KAT6B: variants seen among roughly 807,000 people sequenced by gnomAD.
The protein encoded by KAT6B is histone acetyltransferase KAT6B.
Under a neutral mutation model 187.5 loss-of-function variants are expected in KAT6B, and 10 were observed. The ratio of observed to expected loss-of-function variants is 0.05; its 90% CI spans 0.03 to 0.09. KAT6B has a LOEUF of 0.09. Ranked by LOEUF, KAT6B falls within the 10% of genes least tolerant of loss-of-function variation. The pLI is 1.00. For synonymous variants in KAT6B, 861 were observed against 926.8 expected (o/e 0.93, Z 1.29); for missense variants, 1,952 against 2,558.9 (o/e 0.76, Z 5.12).
At chr10:74,969,439 A>G (rs1285134227) in intron 4 of KAT6B, among the ~76,000 whole-genome samples, 1 of 152,208 alleles carries the variant, frequency 6.6e-6, no homozygotes, top group Non-Finnish European at 1.5e-5. Context: ...TCTCTTAGGG[A>G]AAACATTCGT....
chr10:75,017,546 G>A (rs1845068019), intron 13 of KAT6B, among the ~76,000 whole-genome samples: 3 of 152,144 alleles, frequency 2.0e-5, no homozygotes, highest in South Asian at 2.1e-4. Flanking sequence ...CCTGGGAAGC[G>A]GAGGTTGCAT....
chr10:74,991,850 A>G (rs1244527689), intron 13 of KAT6B, among the ~76,000 whole-genome samples: 1 of 152,246 alleles, frequency 6.6e-6, no homozygotes, highest in African/African-American at 2.4e-5. Flanking sequence ...TAAAAGTTTT[A>G]AGGAAGATAG....
chr10:74,848,536 A>T (rs1470803443), intron 3 of KAT6B, among the ~76,000 whole-genome samples: 4 of 147,106 alleles, frequency 2.7e-5, no homozygotes, highest in Non-Finnish European at 5.9e-5. Context: ...AACAACAACA[A>T]CAACATTTTT....
chr10:74,848,468 G>A (rs1201309209), intron 3 of KAT6B, among the ~76,000 whole-genome samples: 3 of 152,118 alleles, frequency 2.0e-5, no homozygotes, highest in Non-Finnish European at 2.9e-5. Flanking sequence ...TTGAGGCACT[G>A]CACTCCAGCC....
At chr10:74,954,714 C>G (rs775625731) in intron 3 of KAT6B, among the ~76,000 whole-genome samples, 4 of 152,186 alleles carry the variant, frequency 2.6e-5, no homozygotes, top group Non-Finnish European at 5.9e-5. Flanking sequence ...GAATCATGAT[C>G]AAGATATGGT....
In KAT6B at chr10:74,962,763, ATAAAG is replaced by A. The variant is rs1841191742; in HGVS notation, c.730+2691_730+2695del. Among the ~76,000 whole-genome samples, 3 of 152,142 alleles carry A rather than the reference ATAAAG, an allele frequency of 2.0e-5. No individual in the cohort carries two copies. The South Asian group carries it at 6.2e-4, about 32-fold the overall frequency. On this transcript the variant is annotated intron_variant, in intron 4 of 17. Transcript: ENST00000287239. ...ATAAATGTATCCTTCTGCTTACATC[ATAAAG>A]TAAAGCCAATTAGAAATTTATCTGT...
At chr10:75,010,667 G>C (rs972790286) in intron 13 of KAT6B, among the ~76,000 whole-genome samples, 13 of 152,094 alleles carry the variant, frequency 8.5e-5, no homozygotes, top group African/African-American at 2.9e-4. Context: ...TCCCAAACCT[G>C]GTTCTGAAAT....
At chr10:74,847,671 AAAAAT>A (rs1842203550) in intron 3 of KAT6B, among the ~76,000 whole-genome samples, 1 of 152,154 alleles carries the variant, frequency 6.6e-6, no homozygotes. Flanking sequence ...TCTCAAAAAA[AAAAAT>A]AAATAAATAA....
At chr10:74,959,628 A>G (rs1303820418) in intron 3 of KAT6B, among the ~76,000 whole-genome samples, 1 of 152,104 alleles carries the variant, frequency 6.6e-6, no homozygotes, top group African/African-American at 2.4e-5. Context: ...CATCTCTACT[A>G]AAATACAAAA....
chr10:74,867,418 C>G (rs1287825112), intron 3 of KAT6B, among the ~76,000 whole-genome samples: 2 of 152,108 alleles, frequency 1.3e-5, no homozygotes, highest in Non-Finnish European at 2.9e-5. Context: ...TCGTGTCTGT[C>G]TCACATTTTG....
At chr10:74,959,149 C>T (rs1271909319) in intron 3 of KAT6B, among the ~76,000 whole-genome samples, 1 of 152,110 alleles carries the variant, frequency 6.6e-6, no homozygotes, top group Non-Finnish European at 1.5e-5. Flanking sequence ...CTTCGTGGCA[C>T]AAAAGCCTTG....
chr10:74,981,055 T>TG (rs1165489290), intron 10 of KAT6B, among the ~76,000 whole-genome samples: 1 of 152,222 alleles, frequency 6.6e-6, no homozygotes, highest in Non-Finnish European at 1.5e-5. Context: ...CATATATAAT[T>TG]GGAAATAAGA....
chr10:74,897,294 G>A (rs557579127), intron 3 of KAT6B, among the ~76,000 whole-genome samples: 22 of 152,168 alleles, frequency 1.4e-4, no homozygotes, highest in African/African-American at 5.1e-4. Flanking sequence ...AAATCCTGGC[G>A]TGCACCACCT....
At chr10:74,898,315 G>A (rs1846127056) in intron 3 of KAT6B, among the ~76,000 whole-genome samples, 1 of 152,176 alleles carries the variant, frequency 6.6e-6, no homozygotes, top group Non-Finnish European at 1.5e-5. Context: ...CAAGTTAGGA[G>A]TAGCCTTTTT....
At chr10:74,977,096 A>G in intron 8 of KAT6B, 1 of 450,630 alleles carries the variant, frequency 2.2e-6, no homozygotes, top group East Asian at 4.3e-5. Flanking sequence ...TTAAAGCTGT[A>G]AAAAGATGAC....
chr10:74,956,196 A>G (rs375109938), intron 3 of KAT6B, among the ~76,000 whole-genome samples: 39 of 152,326 alleles, frequency 2.6e-4, no homozygotes, highest in African/African-American at 9.1e-4. Context: ...AAGTTGTTAC[A>G]GAGAATATCC....
intron 3 of KAT6B, among the ~76,000 whole-genome samples, chr10:74,959,034 C>CAA (rs1840890952): frequency 9.4e-6 from 1 of 106,050 alleles, no homozygotes; most frequent in African/African-American, 5.7e-5. Context: ...GAGACTCTGT[C>CAA]TATAAATAAA....
At chr10:74,910,158 C>T (rs1471701783) in intron 3 of KAT6B, among the ~76,000 whole-genome samples, 3 of 150,498 alleles carry the variant, frequency 2.0e-5, no homozygotes, top group Non-Finnish European at 4.4e-5. Context: ...ATTAGCCAGG[C>T]GTGGTGGCGC....
chr10:74,898,423 T>G (rs1846135037), intron 3 of KAT6B, among the ~76,000 whole-genome samples: 1 of 152,214 alleles, frequency 6.6e-6, no homozygotes, highest in Admixed American at 6.5e-5. Context: ...TAACATTGTC[T>G]CAGTGGGTCT....
Sources: gnomAD v4.1 joint callset for allele counts (sites outside exome capture counted in the v4.1 genomes callset) on GRCh38, gnomAD v4.1.1 for gene constraint, MANE v1.5 for transcripts, NCBI Gene and HGNC (gene_info 2026-07-23, HGNC 2026-07-21) for gene names.